The following MXRA5 variants were observed in gnomAD, a reference collection of about 807,000 sequenced individuals.
The protein encoded by MXRA5 is matrix remodeling associated 5.
In MXRA5, 41 loss-of-function variants were observed where a neutral mutation model predicts 112.5. That is an observed-to-expected ratio of 0.36 (90% CI 0.28 to 0.47). The LOEUF is 0.47. Among genes scored for constraint, MXRA5 ranks in the 20% least tolerant of loss-of-function variants. The pLI is 0.99. For missense variants in MXRA5, 2,150 were observed against 2,251.0 expected (o/e 0.96, Z 0.91); for synonymous variants, 862 against 900.8 (o/e 0.96, Z 0.77).
chrX:3,325,742 A>G (rs1266989938), intron 4 of MXRA5, among the ~76,000 whole-genome samples: 1 of 51,382 alleles, frequency 1.9e-5, no homozygotes, highest in Non-Finnish European at 4.9e-5. Context: ...AATCTTTGGC[A>G]TGTATCACAT....
chrX:3,316,838 G>A (rs2146918059), intron 6 of MXRA5, among the ~76,000 whole-genome samples: 1 of 108,932 alleles, frequency 9.2e-6, no homozygotes, highest in African/African-American at 3.3e-5. Flanking sequence ...CACAATGCCC[G>A]CAAATTTTTG....
In MXRA5 at chrX:3,318,153, G is replaced by GT. The variant is rs34860719; in HGVS notation, c.5678-151dup. The GT allele has an allele frequency of 0.014, 6,201 of 452,718 alleles. 319 individuals are homozygous for GT. In the African/African-American group the frequency reaches 0.14, roughly 10 times the overall value. The allele number at this position is 452,718 out of a possible 1,213,427, so 37.3% of individuals were successfully genotyped here. A position where few individuals can be genotyped will look rare whatever the true frequency, so the allele number is the denominator to read the frequency against. ...GTAGAATGTTTTAGTGTTTTTAAAA[G>GT]TTTTTTTTATATTTATTTTATTCGT... On this transcript the variant is annotated intron_variant, in intron 5 of 6. Transcript: ENST00000217939.
intron 2 of MXRA5, among the ~76,000 whole-genome samples, chrX:3,338,002 T>C (rs1259718917): frequency 9.0e-6 from 1 of 111,179 alleles, no homozygotes; most frequent in Non-Finnish European, 1.9e-5. Context: ...TGTAAGAATC[T>C]AAGGGGAGAA....
In MXRA5 at chrX:3,317,430, C is replaced by T. The variant is rs188082959; in HGVS notation, c.6251G>A (p.Gly2084Glu). ...CGAGGGGCGGATCTGGGTACCGTCC[C>T]CGAGCACCCAGCGCACGCTGGGCAG... is the stretch of plus-strand genomic sequence containing the variant. Reference protein sequence around the residue: ...APLPSVRWVLGDGTQIRPSQF... With the variant: ...APLPSVRWVLEDGTQIRPSQF... Residue 2084 changes from glycine (G) to glutamate (E), a missense_variant, in exon 6 of 7, where the codon GGG becomes GAG. Around this residue, in one of 6 missense-constraint regions of MXRA5, gnomAD observed 1,485 missense variants for 1,471.6 expected, o/e 1.01. Coordinates refer to ENST00000217939, the MANE Select transcript of MXRA5 (RefSeq NM_015419.4). The T allele has an allele frequency of 1.7e-6, 2 of 1,200,445 alleles. No homozygotes were observed. Among genetic ancestry groups the T allele is most frequent in the Non-Finnish European group, 2.2e-6 (2 of 890,252 alleles).
rs148675322 is a variant in MXRA5 at position 3,310,925 on chromosome X, C to G, written c.7278G>C (p.Glu2426Asp). 16,510 of 1,209,676 alleles carry G rather than the reference C, an allele frequency of 0.014. 100 individuals are homozygous for G. The highest frequency in any genetic ancestry group is 0.017 in the Non-Finnish European group (14,775 of 895,167). The stretch of plus-strand genomic sequence containing the variant: ...CGTGAATCCACACCGTCTTCCTATC[C>G]TCTCCCGCGCTGTTCCTGACCAAGC... ...YTCLVRNSAG[E>D]DRKTVWIHVN... Residue 2426 changes from glutamate to aspartate, a missense_variant, in exon 7 of 7, where the codon GAG becomes GAC. Glu to Asp is a conservative substitution (Grantham distance 45). This residue lies in a region of MXRA5 where 1,485 missense variants were observed against 1,471.6 expected (regional missense o/e 1.01). Coordinates refer to ENST00000217939, the MANE Select transcript of MXRA5 (RefSeq NM_015419.4).
In MXRA5 at chrX:3,323,436, G is replaced by A. The variant is rs144303250; in HGVS notation, c.2249C>T (p.Ser750Leu). 493 of 1,210,136 alleles carry A rather than the reference G, an allele frequency of 4.1e-4. 3 individuals are homozygous for A. Among genetic ancestry groups the A allele is most frequent in the Admixed American group, 5.5e-4 (25 of 45,743 alleles). The change falls in exon 5 of 7, where the codon TCG (serine) becomes TTG (leucine). Residue 750 changes from serine to leucine, a missense_variant. Ser to Leu is a moderately radical substitution (Grantham distance 145). Around this residue, in one of 6 missense-constraint regions of MXRA5, gnomAD observed 1,485 missense variants for 1,471.6 expected, o/e 1.01. Transcript: ENST00000217939. Reference sequence around the variant, plus strand: ...AACATTGGTCTCTGGTTCTTTTTCCGAATGCTTCCAGAGTTTCAGCTTTCT... The same window carrying A: ...AACATTGGTCTCTGGTTCTTTTTCCAAATGCTTCCAGAGTTTCAGCTTTCT... ...GRRKLKLWKH[S>L]EKEPETNVAE...
In MXRA5 at chrX:3,320,361, T is replaced by C; in HGVS notation, c.5324A>G (p.His1775Arg). 8.3e-7 allele frequency: 1 copy of C among 1,211,890 alleles called. No homozygotes were observed. Among genetic ancestry groups the C allele is most frequent in the African/African-American group, 1.7e-5 (1 of 57,878 alleles). ...IPGSYNRIHS[H>R]STFHLDFGPP... ...GCCAAAGTCCAGATGGAAGGTGCTA[T>C]GGGAATGTATCCTGTTGTAGGAACC... Residue 1775 changes from histidine (H) to arginine (R), a missense_variant, in exon 5 of 7, where the codon CAT becomes CGT. His to Arg is a conservative substitution (Grantham distance 29). Coordinates refer to ENST00000217939, the MANE Select transcript of MXRA5 (RefSeq NM_015419.4).
chrX:3,318,650 G>C (rs746859317), intron 5 of MXRA5, among the ~76,000 whole-genome samples: 3 of 111,789 alleles, frequency 2.7e-5, no homozygotes, highest in African/African-American at 9.7e-5. Flanking sequence ...ACTAACAATA[G>C]AGCTGCCTAT....
chrX:3,310,367 C>T lies in MXRA5; in HGVS notation c.7836G>A (p.Gly2612=), dbSNP rs1297606471. ...HISGLSSVDA[G]AYRCVARNAA... Reference sequence around the variant, plus strand: ...CATTGCGGGCCACGCAGCGGTAGGCCCCGGCGTCCACCGAGGAGAGACCGC... The same window carrying T: ...CATTGCGGGCCACGCAGCGGTAGGCTCCGGCGTCCACCGAGGAGAGACCGC... Residue 2612 remains glycine, a synonymous_variant, in exon 7 of 7, where the codon GGG becomes GGA. Transcript: ENST00000217939. The T allele has an allele frequency of 5.0e-6, 6 of 1,201,786 alleles. No individual in the cohort carries two copies. Among genetic ancestry groups the T allele is most frequent in the Non-Finnish European group, 6.7e-6 (6 of 890,828 alleles).
At position 3,343,806 on chromosome X, in the gene MXRA5, G is replaced by C; in HGVS notation, c.28C>G (p.Leu10Val). ...CAAAGCAGGATCAGCACCACGGAGAGGGCCCCCCAGTGCGCGCGCTTGGGC... is the reference window on the plus strand; with the variant it reads ...CAAAGCAGGATCAGCACCACGGAGACGGCCCCCCAGTGCGCGCGCTTGGGC... Reference protein sequence around the residue: MPKRAHWGALSVVLILLWGH... With the variant: MPKRAHWGAVSVVLILLWGH... The change falls in exon 2 of 7, where the codon CTC becomes GTC. Residue 10 changes from leucine (L) to valine (V), a missense_variant. Leu to Val is a conservative substitution (Grantham distance 32). Around this residue, in one of 6 missense-constraint regions of MXRA5, gnomAD observed 386 missense variants for 411.0 expected, o/e 0.94. Coordinates refer to ENST00000217939, the MANE Select transcript of MXRA5 (RefSeq NM_015419.4). The C allele has an allele frequency of 8.3e-7, 1 of 1,207,009 alleles. No homozygotes were observed. Among genetic ancestry groups the C allele is most frequent in the Non-Finnish European group, 1.1e-6 (1 of 892,392 alleles).
rs1276105494 is a variant in MXRA5 at position 3,322,399 on chromosome X, G to A, written c.3286C>T (p.Pro1096Ser). 19 of 1,209,451 alleles carry A rather than the reference G, an allele frequency of 1.6e-5. No homozygotes were observed. Among genetic ancestry groups the A allele is most frequent in the Admixed American group, 8.8e-5 (4 of 45,681 alleles). ...EGQESKSITL[P>S]DSTLGIMSSM... ...CTCATTATACCCAGTGTGGAGTCAGGCAAAGTGATGGATTTGCTCTCTTGG... is the reference window on the plus strand; with the variant it reads ...CTCATTATACCCAGTGTGGAGTCAGACAAAGTGATGGATTTGCTCTCTTGG... Residue 1096 changes from proline (P) to serine (S), a missense_variant, in exon 5 of 7, where the codon CCT becomes TCT. Physicochemically the swap from Pro to Ser is moderately conservative, Grantham distance 74. Around this residue, in one of 6 missense-constraint regions of MXRA5, gnomAD observed 1,485 missense variants for 1,471.6 expected, o/e 1.01. Coordinates refer to ENST00000217939, the MANE Select transcript of MXRA5 (RefSeq NM_015419.4).
chrX:3,321,263 A>G lies in MXRA5; in HGVS notation c.4422T>C (p.Ser1474=). 8.3e-7 allele frequency: 1 copy of G among 1,211,573 alleles called. No individual in the cohort carries two copies. Among genetic ancestry groups the G allele is most frequent in the Non-Finnish European group, 1.1e-6 (1 of 895,485 alleles). The change falls in exon 5 of 7, where the codon TCT becomes TCC. Residue 1474 remains serine (S), a synonymous_variant. Coordinates refer to ENST00000217939, the MANE Select transcript of MXRA5 (RefSeq NM_015419.4). ...GGGTGTGATTCTGTGGTCTAGTTTC[A>G]GAAAGGAGAATAGCCACAGTGGTTT... ...HLETTVAILL[S]ETRPQNHTPT... is the part of the protein sequence containing the mutation.
chrX:3,318,674 C>T (rs1161622775), intron 5 of MXRA5, among the ~76,000 whole-genome samples: 6 of 111,639 alleles, frequency 5.4e-5, no homozygotes, highest in Non-Finnish European at 1.1e-4. Context: ...CTAGCAATCC[C>T]ACTACTGGGT....
chrX:3,341,301 ATAT>A (rs1264218791), intron 2 of MXRA5, among the ~76,000 whole-genome samples: 1 of 47,235 alleles, frequency 2.1e-5, no homozygotes, highest in Non-Finnish European at 3.7e-5. Context: ...TATAATATAC[ATAT>A]TATATTATAT....
In MXRA5 at chrX:3,330,177, T is replaced by C. The variant is rs1921630108; in HGVS notation, c.550A>G (p.Thr184Ala). The C allele has an allele frequency of 8.3e-7, 1 of 1,208,637 alleles. No individual in the cohort carries two copies. Among genetic ancestry groups the C allele is most frequent in the South Asian group, 1.8e-5 (1 of 56,304 alleles). ...TCTGCTAAGTAGAGGTGCCTTATGG[T>C]GGAGAGTCTGAAATAATCCAAAAAT... The part of the protein sequence containing the change: ...FTFLDYFRLS[T>A]IRHLYLAENM... Residue 184 changes from threonine (T) to alanine (A), a missense_variant, in exon 4 of 7, where the codon ACC (threonine) becomes GCC (alanine). Physicochemically the swap from Thr to Ala is moderately conservative, Grantham distance 58. Transcript: ENST00000217939.
In MXRA5 at chrX:3,323,289, G is replaced by T. The variant is rs1465124674; in HGVS notation, c.2396C>A (p.Thr799Lys). The T allele has an allele frequency of 8.3e-7, 1 of 1,211,663 alleles. No homozygotes were observed. The highest frequency in any genetic ancestry group is 1.1e-6 in the Non-Finnish European group (1 of 895,506). The change falls in exon 5 of 7, where the codon ACA becomes AAA. Residue 799 changes from threonine (T) to lysine (K), a missense_variant. This residue lies in a region of MXRA5 where 1,485 missense variants were observed against 1,471.6 expected (regional missense o/e 1.01). Transcript: ENST00000217939. ...GGTTTTAATCAATGGGGGTACTTCT[G>T]TGCCCTTAGGGAGATTTTTCCCACG... The part of the protein sequence containing the change: ...KVRGKNLPKG[T>K]EVPPLIKTTS...
chrX:3,332,612 T>C lies in MXRA5; in HGVS notation c.189-1839A>G, dbSNP rs756276995. Among the ~76,000 whole-genome samples, 197 of 112,608 alleles carry C rather than the reference T, an allele frequency of 1.7e-3. 2 individuals are homozygous for C. The highest frequency in any genetic ancestry group is 4.6e-3 in the Middle Eastern group (1 of 219). On this transcript the variant is annotated intron_variant, in intron 2 of 6. Coordinates refer to ENST00000217939, the MANE Select transcript of MXRA5 (RefSeq NM_015419.4). Reference sequence around the variant, plus strand: ...ATGGAATTAAATGCATCCCACCTTATTGAAATAATGTTGTATAGATTCAAT... The same window carrying C: ...ATGGAATTAAATGCATCCCACCTTACTGAAATAATGTTGTATAGATTCAAT...
At chrX:3,339,501 C>T (rs1921866346) in intron 2 of MXRA5, among the ~76,000 whole-genome samples, 1 of 110,583 alleles carries the variant, frequency 9.0e-6, no homozygotes, top group Non-Finnish European at 1.9e-5. Context: ...CTCCTGACCT[C>T]GTGATCCACC....
At chrX:3,314,092 G>C (rs983802690) in intron 6 of MXRA5, among the ~76,000 whole-genome samples, 7 of 112,373 alleles carry the variant, frequency 6.2e-5, no homozygotes, top group Non-Finnish European at 7.5e-5. Flanking sequence ...GCTACTGAGT[G>C]CTGAAGACAG....
Sources: allele counts gnomAD v4.1 joint callset (sites outside exome capture counted in the v4.1 genomes callset), GRCh38; gene constraint gnomAD v4.1.1; regional missense constraint gnomAD v4.1.1; transcripts MANE v1.5; gene names NCBI Gene and HGNC (gene_info 2026-07-23, HGNC 2026-07-21).